The following MYOF variants were observed in gnomAD, a reference collection of about 807,000 sequenced individuals.
MYOF encodes fer-1-like 3, myoferlin.
Under a neutral mutation model 284.2 loss-of-function variants are expected in MYOF, and 244 were observed. The observed-to-expected ratio is 0.86, with a 90% confidence interval of 0.77 to 0.95. MYOF has a LOEUF of 0.95. MYOF is among the 40% of genes least tolerant of loss of function. MYOF has a pLI of 0.00. For missense variants in MYOF, 2,496 were observed against 2,560.6 expected, an observed-to-expected ratio of 0.97 and a Z score of 0.54; for synonymous variants, 904 against 919.7, an observed-to-expected ratio of 0.98 and a Z score of 0.31.
At chr10:93,416,569 A>G (rs1040272582) in intron 5 of MYOF, among the ~76,000 whole-genome samples, 1 of 150,086 alleles carries the variant, frequency 6.7e-6, no homozygotes, top group African/African-American at 2.4e-5. Context: ...CCATCTTCTT[A>G]TAATATATGA....
At position 93,351,345 on chromosome 10, in the gene MYOF, C is replaced by A. The variant is rs767553484; in HGVS notation, c.3823-50G>T. The A allele has an allele frequency of 5.6e-6, 9 of 1,608,612 alleles. No homozygotes were observed. In the African/African-American group the frequency reaches 1.2e-4, roughly 22 times the overall value. On this transcript the variant is annotated intron_variant, in intron 34 of 53. Transcript: ENST00000359263. ...AATGCCTCACTTTAGTTCAAGCAAA[C>A]AGTGCCTAGAATTAACATGCATTTT...
chr10:93,323,500 G>C, intron 46 of MYOF, 142 bp from the exon 47 acceptor site: 1 of 736,744 alleles, frequency 1.4e-6, no homozygotes, highest in Non-Finnish European at 2.2e-6. Flanking sequence ...GCAAGAAGTG[G>C]AAGAGAGCAA....
chr10:93,451,921 G>A (rs951741267), intron 3 of MYOF, 129 bp downstream of exon 3: 8 of 731,334 alleles, frequency 1.1e-5, no homozygotes, highest in Non-Finnish European at 1.9e-5. Context: ...AAGGGAGCGG[G>A]GCATGGAATT....
intron 41 of MYOF, among the ~76,000 whole-genome samples, chr10:93,334,141 T>C (rs898308757): frequency 6.6e-6 from 1 of 152,120 alleles, no homozygotes; most frequent in Non-Finnish European, 1.5e-5. Context: ...GAGCAGAAAC[T>C]GGGAGTCAAG....
At chr10:93,443,470 CTCTGTGTG>C (rs56906003) in intron 3 of MYOF, among the ~76,000 whole-genome samples, 6,241 of 117,688 alleles carry the variant, frequency 0.053, 304 homozygotes, top group South Asian at 0.15. Context: ...CTCTCTCTCT[CTCTGTGTG>C]TGTGTGTGTG....
intron 32 of MYOF, among the ~76,000 whole-genome samples, chr10:93,353,457 A>T (rs1402065876): frequency 2.6e-5 from 4 of 152,172 alleles, no homozygotes; most frequent in African/African-American, 9.6e-5. Flanking sequence ...CCTGCAAAAA[A>T]ACTTAAAGGA....
intron 29 of MYOF, among the ~76,000 whole-genome samples, chr10:93,359,319 A>G (rs542958197): frequency 6.6e-6 from 1 of 151,414 alleles, no homozygotes; most frequent in South Asian, 2.1e-4. Context: ...ACTTCTATAC[A>G]TGCCACTTAT....
intron 19 of MYOF, among the ~76,000 whole-genome samples, chr10:93,386,356 T>C (rs1036438140): frequency 2.0e-5 from 3 of 152,322 alleles, no homozygotes; most frequent in Middle Eastern, 3.4e-3. Context: ...GGTAATGTTG[T>C]GGAATAGAAA....
At chr10:93,381,039 G>A (rs1846085592) in intron 20 of MYOF, among the ~76,000 whole-genome samples, 180 bp downstream of exon 20, 1 of 152,128 alleles carries the variant, frequency 6.6e-6, no homozygotes, top group Non-Finnish European at 1.5e-5. Flanking sequence ...AACTTCTTGG[G>A]TCTGGCCAGT....
chr10:93,352,166 C>T (rs1258316602), intron 32 of MYOF, among the ~76,000 whole-genome samples: 1 of 152,134 alleles, frequency 6.6e-6, no homozygotes, highest in Non-Finnish European at 1.5e-5. Flanking sequence ...GTCAGATACA[C>T]CTGGGGTCAA....
At chr10:93,434,807 G>A (rs1274379274) in intron 3 of MYOF, among the ~76,000 whole-genome samples, 2 of 151,986 alleles carry the variant, frequency 1.3e-5, no homozygotes, top group South Asian at 2.1e-4. Flanking sequence ...TTTTTTACAG[G>A]AGTATTTTTT....
At position 93,321,866 on chromosome 10, in the gene MYOF, G is replaced by A. The variant is rs534306516; in HGVS notation, c.5456+1212C>T. ...GTCTAGCACTAGGCATGGTATTTATGCACGATTCATCTTTTCACATGTCGT... is the reference window on the plus strand; with the variant it reads ...GTCTAGCACTAGGCATGGTATTTATACACGATTCATCTTTTCACATGTCGT... On this transcript the variant is annotated intron_variant, in intron 48 of 53. Coordinates refer to ENST00000359263, the MANE Select transcript of MYOF (RefSeq NM_013451.4). Among the ~76,000 whole-genome samples the A allele has an allele frequency of 2.0e-5, 3 of 152,194 alleles. No individual in the cohort carries two copies. In the South Asian group the frequency reaches 6.2e-4, roughly 32 times the overall value.
intron 1 of MYOF, among the ~76,000 whole-genome samples, chr10:93,457,736 ATTTT>A (rs5787062): frequency 7.0e-6 from 1 of 142,236 alleles, no homozygotes; most frequent in African/African-American, 2.6e-5. Context: ...ATCTCATCTA[ATTTT>A]TTTTTTTTTT....
intron 1 of MYOF, among the ~76,000 whole-genome samples, chr10:93,466,194 A>T (rs530034987): frequency 1.3e-4 from 20 of 152,292 alleles, no homozygotes; most frequent in South Asian, 4.1e-4. Context: ...CCTCTCCAGG[A>T]GTGTCTCTGA....
At chr10:93,373,914 G>A (rs1845714007) in intron 23 of MYOF, among the ~76,000 whole-genome samples, 1 of 152,098 alleles carries the variant, frequency 6.6e-6, no homozygotes, top group Non-Finnish European at 1.5e-5. Flanking sequence ...ACAATGTGCA[G>A]GTTTGTTACA....
At chr10:93,349,026 T>A (rs1350783675) in intron 36 of MYOF, among the ~76,000 whole-genome samples, 1 of 152,118 alleles carries the variant, frequency 6.6e-6, no homozygotes, top group Non-Finnish European at 1.5e-5. Flanking sequence ...TCAAGAGCAC[T>A]GTATTGGAGA....
At chr10:93,355,428 T>C (rs931718429) in intron 31 of MYOF, among the ~76,000 whole-genome samples, 200 bp downstream of exon 31, 4 of 151,630 alleles carry the variant, frequency 2.6e-5, no homozygotes, top group Non-Finnish European at 5.9e-5. Flanking sequence ...AATGCAAAAA[T>C]ACAAAAAATT....
rs149531001 is a variant in MYOF, at chr10:93,327,551, A to G, written c.5131+1212T>C. ...TACTAAGTTTGGGGTGATCTGTTATATATCAATAGTAACTGGAACAATCCC... is the reference window on the plus strand; with the variant it reads ...TACTAAGTTTGGGGTGATCTGTTATGTATCAATAGTAACTGGAACAATCCC... On this transcript the variant is annotated intron_variant, in intron 45 of 53. Transcript: ENST00000359263. Among the ~76,000 whole-genome samples the G allele has an allele frequency of 2.8e-3, 422 of 152,200 alleles. 9 individuals carry two copies. The highest frequency in any genetic ancestry group is 9.8e-3 in the African/African-American group (408 of 41,438).
At chr10:93,375,157 T>A (rs530607719) in intron 22 of MYOF, among the ~76,000 whole-genome samples, 159 of 152,310 alleles carry the variant, frequency 1.0e-3, no homozygotes, top group Non-Finnish European at 1.6e-3. Flanking sequence ...TCTCTTGATG[T>A]TCATAAGGAA....
Sources: allele counts gnomAD v4.1 joint callset (sites outside exome capture counted in the v4.1 genomes callset), GRCh38; gene constraint gnomAD v4.1.1; transcripts MANE v1.5; gene names NCBI Gene and HGNC (gene_info 2026-07-23, HGNC 2026-07-21).